Variants in NCR3LG1 observed in about 807,000 individuals in gnomAD.
The protein encoded by NCR3LG1 is natural killer cell cytotoxicity receptor 3 ligand 1.
NCR3LG1 carries 35 observed loss-of-function variants against 34.8 expected under a neutral mutation model. That is an observed-to-expected ratio of 1.01 (90% CI 0.77 to 1.33). NCR3LG1 has a LOEUF of 1.33. Ranked by LOEUF, NCR3LG1 falls within the 40% of genes most tolerant of loss-of-function variation. The pLI, the probability that NCR3LG1 is intolerant of heterozygous loss-of-function variation, is 0.00. For synonymous variants in NCR3LG1, 173 were observed against 163.6 expected (o/e 1.06, Z -0.44); for missense variants, 452 against 423.3 (o/e 1.07, Z -0.60).
At chr11:17,361,560 C>T (rs1953269636) in intron 2 of NCR3LG1, among the ~76,000 whole-genome samples, 1 of 151,964 alleles carries the variant, frequency 6.6e-6, no homozygotes, top group African/African-American at 2.4e-5. Context: ...GCTGGGATTA[C>T]AGATGTGAGC....
chr11:17,351,858 G>T lies in NCR3LG1; in HGVS notation c.-112G>T. On this transcript the variant is annotated 5_prime_UTR_variant, in exon 1 of 5. Transcript: ENST00000338965. ...TGCAAAAGCGCCGGCTGGAAATCCC[G>T]GCTGTGTCTCCGTCAACTCTTTACG... 1.2e-6 allele frequency: 1 copy of T among 834,954 alleles called. No individual in the cohort carries two copies. The highest frequency in any genetic ancestry group is 1.5e-5 in the South Asian group (1 of 66,760). The allele number at this position is 834,954 out of a possible 1,614,324, so 51.7% of individuals were successfully genotyped here.
At chr11:17,366,461 G>A (rs1953345088) in intron 2 of NCR3LG1, among the ~76,000 whole-genome samples, 1 of 152,038 alleles carries the variant, frequency 6.6e-6, no homozygotes, top group African/African-American at 2.4e-5. Context: ...GTGGAGGTTG[G>A]GTGATACAGG....
rs936359596 is a variant in NCR3LG1 at position 17,377,148 on chromosome 11, T to C, written c.*4636T>C. ...TGTCACAAGGGGGCATTATCTGAGATATTGGCCAGGGCATATCGTGTCCCT... is the reference window on the plus strand; with the variant it reads ...TGTCACAAGGGGGCATTATCTGAGACATTGGCCAGGGCATATCGTGTCCCT... On this transcript the variant is annotated 3_prime_UTR_variant, in exon 5 of 5. Transcript: ENST00000338965. 1.3e-5 allele frequency: 2 copies of C among 152,020 alleles called. No individual in the cohort carries two copies. Among genetic ancestry groups the C allele is most frequent in the African/African-American group, 2.4e-5 (1 of 41,364 alleles). 9.4% of individuals were successfully genotyped at this position (152,020 alleles called of 1,614,324 possible).
At chr11:17,360,733 G>C (rs1008716607) in intron 2 of NCR3LG1, among the ~76,000 whole-genome samples, 3 of 151,728 alleles carry the variant, frequency 2.0e-5, no homozygotes, top group Non-Finnish European at 4.4e-5. Context: ...GTCCATTTCT[G>C]GGCTTTCTAT....
chr11:17,371,823 C>A (rs1475986064), intron 4 of NCR3LG1, among the ~76,000 whole-genome samples, 183 bp from the exon 5 acceptor site: 1 of 152,148 alleles, frequency 6.6e-6, no homozygotes, highest in Non-Finnish European at 1.5e-5. Context: ...GCTAGCTCCT[C>A]CGGATTCATG....
chr11:17,354,517 T>C (rs2214286), intron 1 of NCR3LG1, among the ~76,000 whole-genome samples: 58,547 of 148,088 alleles, frequency 0.4, 15,549 homozygotes, highest in African/African-American at 0.75. Context: ...ATATTTTCCC[T>C]TCTCCCTCCG....
chr11:17,355,954 T>C (rs1360435563), intron 1 of NCR3LG1, among the ~76,000 whole-genome samples: 1 of 151,830 alleles, frequency 6.6e-6, no homozygotes, highest in African/African-American at 2.4e-5. Flanking sequence ...CTAACCACCA[T>C]GCTGGGCTAA....
rs985585915 is a variant in NCR3LG1, at chr11:17,375,305, C to T, written c.*2793C>T. 4 of 152,172 alleles carry T rather than the reference C, an allele frequency of 2.6e-5. No individual in the cohort carries two copies. Among genetic ancestry groups the T allele is most frequent in the Non-Finnish European group, 4.4e-5 (3 of 68,032 alleles). The allele number at this position is 152,172 out of a possible 1,614,324, so 9.4% of individuals were successfully genotyped here. On this transcript the variant is annotated 3_prime_UTR_variant, in exon 5 of 5. Transcript: ENST00000338965. ...ACAGACTGTAGTACAACCTATGCCG[C>T]TAGGGAGGATCTCAAAGAAATTCCC...
intron 1 of NCR3LG1, 86 bp downstream of exon 1, chr11:17,352,125 G>A (rs551756771): frequency 7.7e-6 from 6 of 780,316 alleles, no homozygotes; most frequent in Non-Finnish European, 1.2e-5. Context: ...CCCGCCAGGG[G>A]ACCTCAACTT....
intron 3 of NCR3LG1, 40 bp downstream of exon 3, chr11:17,367,387 G>A: frequency 6.9e-7 from 1 of 1,442,794 alleles, no homozygotes. Flanking sequence ...TCCTTGCCTT[G>A]AGGGACTATA....
chr11:17,353,910 A>G (rs528430318), intron 1 of NCR3LG1, among the ~76,000 whole-genome samples: 4 of 152,226 alleles, frequency 2.6e-5, no homozygotes, highest in Admixed American at 2.6e-4. Context: ...AGAAATTCCT[A>G]CACCTTAGGA....
chr11:17,352,172 T>G, intron 1 of NCR3LG1, 133 bp downstream of exon 1: 7 of 499,770 alleles, frequency 1.4e-5, no homozygotes, highest in East Asian at 3.7e-5. Context: ...TTTCTATTTC[T>G]TCTCCTTTTT....
At position 17,367,300 on chromosome 11, in the gene NCR3LG1, C is replaced by G; in HGVS notation, c.713C>G (p.Pro238Arg). Reference protein sequence around the residue: ...CVVRHASLHTPLRSNFTLTAA... With the variant: ...CVVRHASLHTRLRSNFTLTAA... ...GTACGGCATGCGTCCTTGCATACCC[C>G]CTTGAGGAGCAACTTTACCCTGACT... The change falls in exon 3 of 5, where the codon CCC (proline) becomes CGC (arginine). Residue 238 changes from proline (P) to arginine (R), a missense_variant. By Grantham distance (103) the Pro-to-Arg change is moderately radical. Coordinates refer to ENST00000338965, the MANE Select transcript of NCR3LG1 (RefSeq NM_001202439.3). 2 of 1,535,990 alleles carry G rather than the reference C, an allele frequency of 1.3e-6. No homozygotes were observed. Among genetic ancestry groups the G allele is most frequent in the Admixed American group, 2.0e-5 (1 of 50,994 alleles).
chr11:17,364,823 G>A (rs1441530458), intron 2 of NCR3LG1, among the ~76,000 whole-genome samples: 1 of 152,182 alleles, frequency 6.6e-6, no homozygotes, highest in Non-Finnish European at 1.5e-5. Context: ...TGGGATTATA[G>A]GTATGAGCCA....
In NCR3LG1 at chr11:17,362,802, CTT is replaced by C. The variant is rs1491472999; in HGVS notation, c.422-4205_422-4204del. On this transcript the variant is annotated intron_variant, in intron 2 of 4. Coordinates refer to ENST00000338965, the MANE Select transcript of NCR3LG1 (RefSeq NM_001202439.3). ...CTTCTTTCCTTCTTTCTCTCTCTTT[CTT>C]TCTTTCTTTCTTTCTTCCTTTCTTC... Among the ~76,000 whole-genome samples the C allele has an allele frequency of 1.7e-4, 25 of 145,880 alleles. 4 individuals are homozygous for C. The highest frequency in any genetic ancestry group is 5.6e-4 in the African/African-American group (22 of 39,294).
At chr11:17,358,536 A>C (rs887672950) in intron 2 of NCR3LG1, among the ~76,000 whole-genome samples, 1 of 152,120 alleles carries the variant, frequency 6.6e-6, no homozygotes, top group East Asian at 1.9e-4. Context: ...TTGACCATCT[A>C]GTTGAAGTAG....
chr11:17,366,913 T>C (rs1953349716), intron 2 of NCR3LG1, 96 bp from the exon 3 acceptor site: 2 of 831,546 alleles, frequency 2.4e-6, no homozygotes, highest in Non-Finnish European at 3.7e-6. Context: ...CAGTGATGCA[T>C]AGCTGTGAGG....
At chr11:17,367,397 A>G (rs1244811639) in intron 3 of NCR3LG1, 50 bp downstream of exon 3, 1 of 1,373,060 alleles carries the variant, frequency 7.3e-7, no homozygotes, top group Admixed American at 2.2e-5. Flanking sequence ...GAGGGACTAT[A>G]ACATAAGACT....
intron 2 of NCR3LG1, among the ~76,000 whole-genome samples, chr11:17,364,563 T>C (rs1433697760): frequency 6.6e-6 from 1 of 151,804 alleles, no homozygotes; most frequent in Non-Finnish European, 1.5e-5. Context: ...TTTTTTTTTT[T>C]GAGACGGAGT....
Sources: gnomAD v4.1 joint callset for allele counts (sites outside exome capture counted in the v4.1 genomes callset) on GRCh38, gnomAD v4.1.1 for gene constraint, MANE v1.5 for transcripts, NCBI Gene and HGNC (gene_info 2026-07-23, HGNC 2026-07-21) for gene names.